The following DCBLD1 variants were observed in gnomAD, a reference collection of about 807,000 sequenced individuals.
The protein encoded by DCBLD1 is discoidin, CUB and LCCL domain containing 1.
A neutral mutation model predicts 71.5 loss-of-function variants in DCBLD1; 57 were observed. That is an observed-to-expected ratio of 0.80 (90% CI 0.64 to 0.99). The LOEUF (loss-of-function observed/expected upper bound fraction) is 0.99. Ranked by LOEUF, DCBLD1 falls within the 50% of genes least tolerant of loss-of-function variation. The pLI, the probability that DCBLD1 is intolerant of heterozygous loss-of-function variation, is 0.00. For synonymous variants in DCBLD1, 380 were observed against 363.8 expected (o/e 1.04, Z -0.51); for missense variants, 891 against 923.5 (o/e 0.96, Z 0.46).
intron 5 of DCBLD1, among the ~76,000 whole-genome samples, 165 bp from the exon 6 acceptor site, chr6:117,532,095 G>A (rs1778741849): frequency 1.3e-5 from 2 of 152,216 alleles, no homozygotes; most frequent in African/African-American, 4.8e-5. Context: ...CAAGTCACAT[G>A]GTCCAGAGTC....
intron 2 of DCBLD1, among the ~76,000 whole-genome samples, chr6:117,515,769 ATAGTATTTAAAAG>A (rs1778175447): frequency 6.6e-6 from 1 of 152,148 alleles, no homozygotes; most frequent in Non-Finnish European, 1.5e-5. Flanking sequence ...TGACTTCTCC[ATAGTATTTAAAAG>A]TGACACGATT....
intron 14 of DCBLD1, chr6:117,560,291 GTTTA>G: frequency 5.7e-6 from 1 of 175,336 alleles, no homozygotes; most frequent in East Asian, 9.9e-5. Context: ...GAAACAAAAT[GTTTA>G]TTTAAAAAAA....
chr6:117,538,518 A>G, intron 7 of DCBLD1, 102 bp from the exon 8 acceptor site: 1 of 1,091,058 alleles, frequency 9.2e-7, no homozygotes, highest in South Asian at 1.5e-5. Flanking sequence ...TCAGAATAAA[A>G]GTCAACTAGT....
chr6:117,548,186 A>G lies in DCBLD1; in HGVS notation c.1895A>G (p.His632Arg). ...RVPGPQPGHK[H>R]SLSSGGFSPV... Reference sequence around the variant, plus strand: ...CCAGGGCCCCAGCCCGGCCACAAACACTCCCTCTCCTCGGGCGGCTTCTCC... The same window carrying G: ...CCAGGGCCCCAGCCCGGCCACAAACGCTCCCTCTCCTCGGGCGGCTTCTCC... The change falls in exon 15 of 15, where the codon CAC becomes CGC. Residue 632 changes from histidine to arginine, a missense_variant. By Grantham distance (29) the His-to-Arg change is conservative (BLOSUM62 0). Transcript: ENST00000338728. 9 of 1,549,402 alleles carry G rather than the reference A, an allele frequency of 5.8e-6. No homozygotes were observed. The highest frequency in any genetic ancestry group is 7.8e-6 in the Non-Finnish European group (9 of 1,146,708).
intron 14 of DCBLD1, chr6:117,567,072 G>T: frequency 4.8e-6 from 7 of 1,448,152 alleles, no homozygotes; most frequent in Non-Finnish European, 6.5e-6. Flanking sequence ...TCAAGTTATT[G>T]TAATTGTAAT....
At chr6:117,540,553 A>C in intron 9 of DCBLD1, 115 bp from the exon 10 acceptor site, 2 of 1,338,154 alleles carry the variant, frequency 1.5e-6, no homozygotes, top group Non-Finnish European at 2.0e-6. Flanking sequence ...GTCTAGAAAA[A>C]TGCAACCGAC....
At chr6:117,521,163 G>A (rs1394985839) in intron 3 of DCBLD1, among the ~76,000 whole-genome samples, 1 of 152,238 alleles carries the variant, frequency 6.6e-6, no homozygotes, top group Non-Finnish European at 1.5e-5. Context: ...TCTGTGAACT[G>A]TGTTGGGCTT....
In DCBLD1 at chr6:117,556,496, T is replaced by C. The variant is rs1779497347; in HGVS notation, c.1615+10899T>C. ...GTAGTAAACTTTGTTTCTGAGTTAG[T>C]TCACTTAAGATAATGGTCTTCAGTT... On this transcript the variant is annotated intron_variant, in intron 14 of 14. Transcript: ENST00000296955. Among the ~76,000 whole-genome samples the C allele has an allele frequency of 3.3e-5, 5 of 152,328 alleles. No homozygotes were observed. In the South Asian group the frequency reaches 1.0e-3, roughly 32 times the overall value.
Position 117,514,146 on chromosome 6 carries a change from C to G in DCBLD1, c.326-5670C>G, listed in dbSNP as rs1778113512. Among the ~76,000 whole-genome samples the G allele has an allele frequency of 2.6e-5, 4 of 152,090 alleles. No homozygotes were observed. In the South Asian group the frequency reaches 8.3e-4, roughly 32 times the overall value. On this transcript the variant is annotated intron_variant, in intron 2 of 14. Coordinates refer to ENST00000338728, the MANE Select transcript of DCBLD1 (RefSeq NM_001366458.2). ...ACTCTAGGAATGTAATTATTAACTT[C>G]TAGTCTATGAAAGGAATTTTCGTCT...
chr6:117,554,941 G>A (rs1779478183), intron 14 of DCBLD1, among the ~76,000 whole-genome samples: 2 of 151,878 alleles, frequency 1.3e-5, no homozygotes, highest in African/African-American at 2.4e-5. Flanking sequence ...TTTCTTTGTG[G>A]CAATCTTGAT....
downstream of DCBLD1, among the ~76,000 whole-genome samples, chr6:117,550,193 C>T (rs1779403262): frequency 6.6e-6 from 1 of 152,086 alleles, no homozygotes; most frequent in African/African-American, 2.4e-5. Context: ...CTGTCTTCAT[C>T]TATCACAGTT....
intron 6 of DCBLD1, among the ~76,000 whole-genome samples, chr6:117,533,632 G>A (rs1297608052): frequency 6.6e-6 from 1 of 152,156 alleles, no homozygotes; most frequent in Non-Finnish European, 1.5e-5. Flanking sequence ...CTGAAGAACC[G>A]ACTTACGAAC....
intron 1 of DCBLD1, chr6:117,494,798 A>G (rs1220240099): frequency 1.3e-5 from 2 of 152,162 alleles, no homozygotes; most frequent in African/African-American, 2.4e-5. Context: ...AAGATCTTCA[A>G]TCCCAGAAGC....
chr6:117,568,259 A>G (rs762921308), intron 14 of DCBLD1, among the ~76,000 whole-genome samples: 15 of 152,150 alleles, frequency 9.9e-5, no homozygotes, highest in Non-Finnish European at 1.9e-4. Flanking sequence ...CCAAGCTATA[A>G]TTGTCATTTA....
chr6:117,491,015 T>C (rs1403229311), intron 1 of DCBLD1, among the ~76,000 whole-genome samples: 1 of 152,208 alleles, frequency 6.6e-6, no homozygotes, highest in Non-Finnish European at 1.5e-5. Flanking sequence ...AAAAGTGTGA[T>C]GTCCAGTTAA....
In DCBLD1 at chr6:117,547,942, G is replaced by C; in HGVS notation, c.1651G>C (p.Val551Leu). ...GCCCCTCATGATTGGCACCGGGACA[G>C]TCACGAGGAAGGGCTCCACCTTCCG... is the stretch of plus-strand genomic sequence containing the variant. ...QQPLMIGTGTVTRKGSTFRPM... is the reference protein window; with the variant it reads ...QQPLMIGTGTLTRKGSTFRPM... The change falls in exon 15 of 15, where the codon GTC (valine) becomes CTC (leucine). Residue 551 changes from valine to leucine, a missense_variant. By Grantham distance (32) the Val-to-Leu change is conservative (BLOSUM62 1). Coordinates refer to ENST00000338728, the MANE Select transcript of DCBLD1 (RefSeq NM_001366458.2). 1.3e-6 allele frequency: 2 copies of C among 1,550,622 alleles called. No homozygotes were observed. Among genetic ancestry groups the C allele is most frequent in the Non-Finnish European group, 1.7e-6 (2 of 1,146,972 alleles).
rs1349304463 is a variant in DCBLD1, at chr6:117,519,955, A to T, written c.460+5A>T. ...ATGCGAGCAGCGACCATCCAGGTAT[A>T]ACGGAAGAATCAACACAAATCTCTA... On this transcript the variant is annotated splice_donor_5th_base_variant and intron_variant, in intron 3 of 14. Transcript: ENST00000338728. 6.2e-7 allele frequency: 1 copy of T among 1,613,392 alleles called. No individual in the cohort carries two copies. The highest frequency in any genetic ancestry group is 1.3e-5 in the African/African-American group (1 of 74,910).
chr6:117,530,059 A>C (rs985792834), intron 5 of DCBLD1, among the ~76,000 whole-genome samples: 2 of 152,154 alleles, frequency 1.3e-5, no homozygotes, highest in Non-Finnish European at 2.9e-5. Context: ...TCCTAGTATG[A>C]AGACCGGGGA....
At position 117,566,529 on chromosome 6, in the gene DCBLD1, T is replaced by C. The variant is rs1297819968; in HGVS notation, c.1616-3091T>C. Among the ~76,000 whole-genome samples the C allele has an allele frequency of 2.6e-5, 4 of 152,270 alleles. No individual in the cohort carries two copies. The East Asian group carries it at 7.7e-4, about 29-fold the overall frequency. ...AATTTGCATCAAGACAGACAGACAA[T>C]GTAGTCTACAAGATAGATCTACTCA... On this transcript the variant is annotated intron_variant, in intron 14 of 14. Coordinates refer to the DCBLD1 transcript ENST00000296955.
Sources: gnomAD v4.1 joint callset for allele counts (sites outside exome capture counted in the v4.1 genomes callset) on GRCh38, gnomAD v4.1.1 for gene constraint, MANE v1.5 for transcripts, NCBI Gene and HGNC (gene_info 2026-07-23, HGNC 2026-07-21) for gene names.